Variants in FTO observed in about 807,000 individuals in gnomAD.
The protein encoded by FTO is alpha-ketoglutarate-dependent dioxygenase FTO.
Under a neutral mutation model 63.9 loss-of-function variants are expected in FTO, and 47 were observed. The observed-to-expected ratio is 0.74, with a 90% CI of 0.58 to 0.94. The LOEUF (loss-of-function observed/expected upper bound fraction) is 0.94. Among genes scored for constraint, FTO ranks in the 40% least tolerant of loss-of-function variants. FTO has a pLI of 0.00. For missense variants in FTO, 562 were observed against 618.1 expected (o/e 0.91, Z 0.96); for synonymous variants, 207 against 224.4 (o/e 0.92, Z 0.69).
intron 1 of FTO, among the ~76,000 whole-genome samples, chr16:53,707,058 A>G (rs572732671): frequency 1.3e-5 from 2 of 152,316 alleles, no homozygotes; most frequent in Admixed American, 6.5e-5. Context: ...TGATTTGACC[A>G]TTTGTTTTAG....
At chr16:54,029,606 T>C (rs1171771833) in intron 8 of FTO, among the ~76,000 whole-genome samples, 1 of 152,164 alleles carries the variant, frequency 6.6e-6, no homozygotes, top group African/African-American at 2.4e-5. Flanking sequence ...TTTGGAAAGA[T>C]CTTTTAAAAA....
chr16:54,048,408 C>G (rs920495532), intron 8 of FTO, among the ~76,000 whole-genome samples: 4 of 151,888 alleles, frequency 2.6e-5, no homozygotes, highest in Non-Finnish European at 1.5e-5. Context: ...TCAGTGAAGG[C>G]AAAAGTCGTT....
intron 1 of FTO, among the ~76,000 whole-genome samples, chr16:53,717,620 A>G (rs1426795903): frequency 6.6e-6 from 1 of 152,060 alleles, no homozygotes; most frequent in East Asian, 1.9e-4. Flanking sequence ...TTTTAATTAG[A>G]AAAACATTTT....
At chr16:54,056,875 G>C (rs1246684575) in intron 8 of FTO, among the ~76,000 whole-genome samples, 1 of 152,138 alleles carries the variant, frequency 6.6e-6, no homozygotes, top group East Asian at 1.9e-4. Context: ...TTGTTACCCG[G>C]CATTAGGTAA....
chr16:53,828,960 G>A (rs879762979), intron 3 of FTO, among the ~76,000 whole-genome samples: 2 of 152,038 alleles, frequency 1.3e-5, no homozygotes, highest in Non-Finnish European at 2.9e-5. Flanking sequence ...GCACGATCTC[G>A]GCTCACTGCA....
chr16:54,022,750 G>A (rs1948904780), intron 8 of FTO, among the ~76,000 whole-genome samples: 1 of 152,194 alleles, frequency 6.6e-6, no homozygotes, highest in Non-Finnish European at 1.5e-5. Context: ...TTATACACTT[G>A]GTAGAAAGTG....
At chr16:53,820,454 G>A (rs1295989699) in intron 2 of FTO, among the ~76,000 whole-genome samples, 1 of 151,974 alleles carries the variant, frequency 6.6e-6, no homozygotes, top group African/African-American at 2.4e-5. Flanking sequence ...GCACCTATTT[G>A]AGGGTGGAGA....
At chr16:53,939,656 A>G (rs1439444579) in intron 8 of FTO, among the ~76,000 whole-genome samples, 2 of 152,112 alleles carry the variant, frequency 1.3e-5, no homozygotes, top group Non-Finnish European at 2.9e-5. Context: ...CCACCAGTCT[A>G]CTTTTTATCT....
In FTO at chr16:53,933,980, T is replaced by C. The variant is rs1442583194; in HGVS notation, c.1240-5T>C. 1 of 1,613,984 alleles carries C rather than the reference T, an allele frequency of 6.2e-7. No homozygotes were observed. On this transcript the variant is annotated splice_polypyrimidine_tract_variant and splice_region_variant and intron_variant, in intron 7 of 8. Coordinates refer to ENST00000471389, the MANE Select transcript of FTO (RefSeq NM_001080432.3). ...TCTTTCTCTGTTTTGGATCATTTCT[T>C]GTAGACAAATGCTGTGCTTCATGAA... is the stretch of plus-strand genomic sequence containing the variant.
intron 1 of FTO, among the ~76,000 whole-genome samples, chr16:53,764,876 T>C (rs1418109666): frequency 6.6e-6 from 1 of 152,000 alleles, no homozygotes; most frequent in African/African-American, 2.4e-5. Context: ...CATGTCACCA[T>C]GCCTGGCTAA....
intron 8 of FTO, among the ~76,000 whole-genome samples, chr16:54,023,008 G>A (rs1247062890): frequency 1.3e-5 from 2 of 152,166 alleles, no homozygotes; most frequent in Non-Finnish European, 2.9e-5. Context: ...GAGAAATATT[G>A]CATTACTACT....
At chr16:54,018,393 GATAGATAGATAGATAGATAC>G (rs1371274510) in intron 8 of FTO, among the ~76,000 whole-genome samples, 36 of 44,444 alleles carry the variant, frequency 8.1e-4, no homozygotes, top group South Asian at 7.9e-3. Flanking sequence ...ATGATAGATA[GATAGATAGATAGATAGATAC>G]ATACATACAT....
intron 8 of FTO, among the ~76,000 whole-genome samples, chr16:54,052,239 A>G (rs981268954): frequency 6.6e-6 from 1 of 152,160 alleles, no homozygotes; most frequent in Admixed American, 6.5e-5. Flanking sequence ...CCAGAAATGG[A>G]TGCTTTTCTG....
intron 8 of FTO, chr16:53,956,869 T>C (rs2082943577): frequency 6.6e-6 from 1 of 152,154 alleles, no homozygotes; most frequent in Non-Finnish European, 1.5e-5. Context: ...TTCTCCATGT[T>C]GGTCAGGCTG....
intron 8 of FTO, among the ~76,000 whole-genome samples, chr16:54,066,742 A>G (rs1224353674): frequency 6.6e-6 from 1 of 152,238 alleles, no homozygotes; most frequent in Non-Finnish European, 1.5e-5. Context: ...GAAGAAGAGT[A>G]TCAGGTGTAG....
intron 8 of FTO, among the ~76,000 whole-genome samples, chr16:54,008,262 G>A (rs1377917384): frequency 8.6e-5 from 13 of 151,946 alleles, no homozygotes; most frequent in Non-Finnish European, 5.9e-5. Context: ...TGAACCCACC[G>A]ACAACATCAC....
chr16:54,041,363 A>G (rs1196212520), intron 8 of FTO, among the ~76,000 whole-genome samples: 1 of 152,086 alleles, frequency 6.6e-6, no homozygotes, highest in Non-Finnish European at 1.5e-5. Flanking sequence ...CGCCTCCATG[A>G]TCCAATCACC....
chr16:53,719,632 GTT>G (rs751170395), intron 1 of FTO, among the ~76,000 whole-genome samples: 9,620 of 99,932 alleles, frequency 0.096, 860 homozygotes, highest in African/African-American at 0.26. Flanking sequence ...CTGGTAGTCT[GTT>G]TTTTTTTTTT....
intron 8 of FTO, among the ~76,000 whole-genome samples, chr16:54,082,740 G>A (rs1474988774): frequency 2.6e-5 from 4 of 152,118 alleles, no homozygotes; most frequent in Non-Finnish European, 5.9e-5. Context: ...GAGATAGGAG[G>A]GATCATTCTT....
Sources: allele counts gnomAD v4.1 joint callset (sites outside exome capture counted in the v4.1 genomes callset), GRCh38; gene constraint gnomAD v4.1.1; transcripts MANE v1.5; gene names NCBI Gene and HGNC (gene_info 2026-07-23, HGNC 2026-07-21).